CEP85: variants seen among roughly 807,000 people sequenced by gnomAD.
CEP85 encodes the protein centrosomal protein 85, also known as centrosomal protein of 85 kDa.
CEP85 carries 58 observed loss-of-function variants against 93.7 expected under a neutral mutation model. The ratio of observed to expected loss-of-function variants is 0.62; its 90% CI spans 0.50 to 0.77. CEP85 has a LOEUF of 0.77. Among genes scored for constraint, CEP85 ranks in the 30% least tolerant of loss-of-function variants. The pLI, the probability that CEP85 is intolerant of heterozygous loss-of-function variation, is 0.00. For synonymous variants in CEP85, 314 were observed against 338.6 expected (o/e 0.93, Z 0.80); for missense variants, 868 against 922.0 (o/e 0.94, Z 0.76).
Position 26,274,987 on chromosome 1 carries a change from A to C in CEP85, c.1818A>C (p.Gln606His), listed in dbSNP as rs763823751. The C allele has an allele frequency of 2.7e-5, 42 of 1,578,948 alleles. No individual in the cohort carries two copies. Among genetic ancestry groups the C allele is most frequent in the Non-Finnish European group, 3.4e-5 (40 of 1,162,384 alleles). ...AGAGCCTAGAGCAGGAAGTGGCTCA[A>C]GAAGAAGGAACAAGCCAGGCCCTGA... ...QVQSLEQEVA[Q>H]EEGTSQALRE... Residue 606 changes from glutamine (Q) to histidine (H), a missense_variant, in exon 12 of 14, where the codon CAA becomes CAC. Physicochemically the swap from Gln to His is conservative, Grantham distance 24. Transcript: ENST00000451429.
At chr1:26,252,518 G>T (rs1486523011) in intron 3 of CEP85, among the ~76,000 whole-genome samples, 1 of 152,202 alleles carries the variant, frequency 6.6e-6, no homozygotes, top group Non-Finnish European at 1.5e-5. Context: ...GGCAACAAGA[G>T]TGAAATTCCG....
rs1247573020 is a variant in CEP85 at position 26,255,618 on chromosome 1, A to G, written c.656A>G (p.Tyr219Cys). 1 of 1,613,974 alleles carries G rather than the reference A, an allele frequency of 6.2e-7. No individual in the cohort carries two copies. The highest frequency in any genetic ancestry group is 2.2e-5 in the East Asian group (1 of 44,902). ...NPRTSTSKEL[Y>C]RVLPEAKKAP... Reference sequence around the variant, plus strand: ...AGAACCAGCACAAGTAAGGAGTTGTACAGAGTGTTGCCTGAGGCCAAGAAG... The same window carrying G: ...AGAACCAGCACAAGTAAGGAGTTGTGCAGAGTGTTGCCTGAGGCCAAGAAG... The change falls in exon 4 of 14, where the codon TAC (tyrosine) becomes TGC (cysteine). Residue 219 changes from tyrosine (Y) to cysteine (C), a missense_variant. By Grantham distance (194) the Tyr-to-Cys change is radical. Coordinates refer to ENST00000451429, the MANE Select transcript of CEP85 (RefSeq NM_001319944.2).
chr1:26,254,920 A>G lies in CEP85; in HGVS notation c.209-251A>G, dbSNP rs542589545. The G allele has an allele frequency of 1.7e-4, 77 of 444,362 alleles. 2 individuals are homozygous for G. In the South Asian group the frequency reaches 4.4e-3, roughly 25 times the overall value. The allele number at this position is 444,362 out of a possible 1,614,324, so 27.5% of individuals were successfully genotyped here. The stretch of plus-strand genomic sequence containing the variant: ...TCTGTTGACTGACAAGATTTTTTTT[A>G]TTCCAGTACAAAGGACTAAGTTAAA... On this transcript the variant is annotated intron_variant, in intron 3 of 13. Coordinates refer to ENST00000451429, the MANE Select transcript of CEP85 (RefSeq NM_001319944.2).
intron 1 of CEP85, among the ~76,000 whole-genome samples, chr1:26,237,169 A>G (rs1448656227): frequency 6.6e-6 from 1 of 152,124 alleles, no homozygotes; most frequent in Non-Finnish European, 1.5e-5. Context: ...GGAGGGATCC[A>G]TTCAGGTGGT....
intron 3 of CEP85, 83 bp downstream of exon 3, chr1:26,244,401 G>C: frequency 8.0e-7 from 1 of 1,245,400 alleles, no homozygotes; most frequent in Non-Finnish European, 1.2e-6. Context: ...TTTCCAGATT[G>C]TGTTATTTCC....
At chr1:26,239,613 A>G in intron 1 of CEP85, 149 bp from the exon 2 acceptor site, 1 of 514,484 alleles carries the variant, frequency 1.9e-6, no homozygotes, top group South Asian at 2.1e-5. Context: ...TGGCCTCCCA[A>G]AGTGCTGGGA....
intron 4 of CEP85, among the ~76,000 whole-genome samples, chr1:26,257,169 G>A (rs7542930): frequency 0.15 from 23,463 of 152,038 alleles, 2,101 homozygotes; most frequent in African/African-American, 0.23. Flanking sequence ...CTGAGCTTGG[G>A]CAATCTGCCC....
chr1:26,256,683 C>G (rs959608748), intron 4 of CEP85, among the ~76,000 whole-genome samples: 1 of 147,688 alleles, frequency 6.8e-6, no homozygotes, highest in African/African-American at 2.5e-5. Context: ...ACTGCAACCT[C>G]TACCTCCCAA....
At chr1:26,250,687 C>G (rs2089592423) in intron 3 of CEP85, among the ~76,000 whole-genome samples, 1 of 152,108 alleles carries the variant, frequency 6.6e-6, no homozygotes, top group Admixed American at 6.5e-5. Flanking sequence ...TGGTACTTTT[C>G]TTCTTGGCTT....
chr1:26,245,933 C>T (rs912413769), intron 3 of CEP85, among the ~76,000 whole-genome samples: 2 of 151,992 alleles, frequency 1.3e-5, no homozygotes, highest in African/African-American at 4.8e-5. Context: ...ATCACTTGAG[C>T]CCAGGAGTTT....
In CEP85 at chr1:26,259,979, C is replaced by T. The variant is rs2089781405; in HGVS notation, c.1341+177C>T. On this transcript the variant is annotated intron_variant, in intron 7 of 13. Coordinates refer to ENST00000451429, the MANE Select transcript of CEP85 (RefSeq NM_001319944.2). ...TTTTTGCTAGAAATGGAACTCTCCT[C>T]CCTCCCTCATTTTTGCTTCATCTCC... is the stretch of plus-strand genomic sequence containing the variant. Among the ~76,000 whole-genome samples, 2 of 152,198 alleles carry T rather than the reference C, an allele frequency of 1.3e-5. 1 individual carries two copies. Among genetic ancestry groups the T allele is most frequent in the South Asian group, 4.1e-4 (2 of 4,834 alleles).
intron 7 of CEP85, among the ~76,000 whole-genome samples, chr1:26,265,269 C>T (rs2089877237): frequency 6.6e-6 from 1 of 152,074 alleles, no homozygotes; most frequent in Non-Finnish European, 1.5e-5. Context: ...CAGGCTTGAG[C>T]CACTGCACTG....
Position 26,255,295 on chromosome 1 carries a change from T to A in CEP85, c.333T>A (p.Val111=). 1 of 1,614,182 alleles carries A rather than the reference T, an allele frequency of 6.2e-7. No individual in the cohort carries two copies. The highest frequency in any genetic ancestry group is 8.5e-7 in the Non-Finnish European group (1 of 1,180,042). ...CTGCCAAGCCAAATTCTACACCTGT[T>A]GGACCCTCTTCCTCTAAACTCCCTT... ...TSPAKPNSTP[V]GPSSSKLPLS... Residue 111 remains valine (V), a synonymous_variant, in exon 4 of 14, where the codon GTT becomes GTA. Transcript: ENST00000451429.
chr1:26,257,296 C>G (rs1570005678), intron 4 of CEP85, among the ~76,000 whole-genome samples: 1 of 152,244 alleles, frequency 6.6e-6, no homozygotes, highest in East Asian at 1.9e-4. Flanking sequence ...GACATATTCC[C>G]CTTCCTTGGT....
intron 7 of CEP85, 77 bp from the exon 8 acceptor site, chr1:26,268,406 T>C (rs2089923454): frequency 1.3e-6 from 2 of 1,547,340 alleles, no homozygotes; most frequent in Admixed American, 1.7e-5. Context: ...TGCAGTCAGC[T>C]GAGATCACAG....
rs547191883 is a variant in CEP85, at chr1:26,264,676, T to C, written c.1342-3807T>C. Among the ~76,000 whole-genome samples the C allele has an allele frequency of 5.3e-5, 8 of 152,304 alleles. No homozygotes were observed. In the South Asian group the frequency reaches 1.7e-3, roughly 32 times the overall value. On this transcript the variant is annotated intron_variant, in intron 7 of 13. Transcript: ENST00000451429. ...CTCAAATGTCAATCTCTGGATGTCTTCTCTCACTCTCTCTAGGGAAGAATC... is the reference window on the plus strand; with the variant it reads ...CTCAAATGTCAATCTCTGGATGTCTCCTCTCACTCTCTCTAGGGAAGAATC...
intron 2 of CEP85, 37 bp from the exon 3 acceptor site, chr1:26,244,129 G>C (rs750093846): frequency 2.4e-5 from 38 of 1,601,058 alleles, no homozygotes; most frequent in Non-Finnish European, 3.0e-5. Context: ...TACATCAGCT[G>C]GTTCACAGTA....
intron 2 of CEP85, 39 bp downstream of exon 2, chr1:26,239,877 T>G (rs749501961): frequency 3.4e-6 from 5 of 1,477,682 alleles, no homozygotes; most frequent in Non-Finnish European, 4.7e-6. Context: ...ATTCTGACCT[T>G]TGTTCTGTTT....
intron 2 of CEP85, among the ~76,000 whole-genome samples, chr1:26,241,491 G>T (rs1019808174): frequency 7.2e-5 from 11 of 151,990 alleles, no homozygotes; most frequent in Admixed American, 4.6e-4. Flanking sequence ...TGATCTGCCC[G>T]CCTGGGCCTC....
Sources: gnomAD v4.1 joint callset for allele counts (sites outside exome capture counted in the v4.1 genomes callset) on GRCh38, gnomAD v4.1.1 for gene constraint, MANE v1.5 for transcripts, NCBI Gene and HGNC (gene_info 2026-07-23, HGNC 2026-07-21) for gene names.